The following FZR1 variants were observed in gnomAD, a reference collection of about 807,000 sequenced individuals.
FZR1 encodes the protein fizzy-related protein homolog.
In FZR1, 11 loss-of-function variants were observed where a neutral mutation model predicts 63.6. The ratio of observed to expected loss-of-function variants is 0.17; its 90% CI spans 0.11 to 0.29. The LOEUF is 0.29. Among genes scored for constraint, FZR1 ranks in the 10% least tolerant of loss-of-function variants. FZR1 has a pLI of 1.00. For synonymous variants in FZR1, 328 were observed against 297.9 expected (o/e 1.10, Z -1.04); for missense variants, 440 against 687.5 (o/e 0.64, Z 4.03).
intron 1 of FZR1, among the ~76,000 whole-genome samples, chr19:3,521,005 C>T (rs2083096499): frequency 6.6e-6 from 1 of 152,242 alleles, no homozygotes. Context: ...GTGCAACGTC[C>T]TCAGGGCGTG....
chr19:3,523,100 C>A (rs769170142), intron 2 of FZR1, 42 bp downstream of exon 2: 2 of 1,225,154 alleles, frequency 1.6e-6, no homozygotes, highest in Non-Finnish European at 1.2e-6. Context: ...CTCCCCCTCC[C>A]CCAGCTGCCT....
chr19:3,513,085 C>T (rs114843530), intron 1 of FZR1, among the ~76,000 whole-genome samples: 2,548 of 152,230 alleles, frequency 0.017, 67 homozygotes, highest in African/African-American at 0.058. Flanking sequence ...GGCACCTGGG[C>T]CAGGGCCTCA....
rs2083056165 is a variant in FZR1 at position 3,515,972 on chromosome 19, T to C, written c.-34-6984T>C. Among the ~76,000 whole-genome samples the C allele has an allele frequency of 6.6e-6, 1 of 152,200 alleles. No homozygotes were observed. The highest frequency in any genetic ancestry group is 2.1e-4 in the South Asian group (1 of 4,834). ...ACAGCCTCTTCCGCTCCCTGTCTGA[T>C]GGCCTCTTGCGTCTTCCACTCTGAC... On this transcript the variant is annotated intron_variant, in intron 1 of 13. Transcript: ENST00000441788. The surrounding 1 kb of genome is among the most constrained non-coding windows in gnomAD (Gnocchi z 4.6).
At chr19:3,519,290 C>G (rs555011561) in intron 1 of FZR1, among the ~76,000 whole-genome samples, 113 of 152,364 alleles carry the variant, frequency 7.4e-4, no homozygotes, top group African/African-American at 2.6e-3. Flanking sequence ...GGACCCTACG[C>G]CCCTGGCAGT....
chr19:3,533,510 A>C lies in FZR1; in HGVS notation c.1347+112A>C. The C allele has an allele frequency of 1.5e-6, 1 of 659,054 alleles. No individual in the cohort carries two copies. The highest frequency in any genetic ancestry group is 2.7e-6 in the Non-Finnish European group (1 of 367,000). The allele number at this position is 659,054 out of a possible 1,614,324, so 40.8% of individuals were successfully genotyped here. A position where few individuals can be genotyped will look rare whatever the true frequency, so the allele number is the denominator to read the frequency against. On this transcript the variant is annotated intron_variant, in intron 12 of 13. Coordinates refer to ENST00000441788, the MANE Select transcript of FZR1 (RefSeq NM_016263.4). This position sits in a 1 kb window ranked among gnomAD's most constrained non-coding sequence, Gnocchi z 4.9. Reference sequence around the variant, plus strand: ...AGGGAGGATGGTGTGCAGATCTAAAACCCCGTGGGACCCAGCAGCAGGGGC... The same window carrying C: ...AGGGAGGATGGTGTGCAGATCTAAACCCCCGTGGGACCCAGCAGCAGGGGC...
At chr19:3,523,123 G>A in intron 2 of FZR1, 65 bp downstream of exon 2, 1 of 991,654 alleles carries the variant, frequency 1.0e-6, no homozygotes, top group Non-Finnish European at 1.6e-6. Flanking sequence ...GCCCTGGCCA[G>A]CAGCCTCAGG....
In FZR1 at chr19:3,523,025, G is replaced by A. The variant is rs1245700163; in HGVS notation, c.36G>A (p.Gln12=). 2.5e-6 allele frequency: 4 copies of A among 1,611,716 alleles called. No individual in the cohort carries two copies. The highest frequency in any genetic ancestry group is 1.7e-4 in the Middle Eastern group (1 of 6,060). ...DQDYERRLLR[Q]IVIQNENTMP... ...ACTATGAGCGGCGCCTGCTTCGCCA[G>A]ATCGTCATCCAGAATGAGAACACGA... Residue 12 remains glutamine (Q), a synonymous_variant, in exon 2 of 14, where the codon CAG becomes CAA. Transcript: ENST00000441788.
At chr19:3,507,374 C>T (rs1471835216) in intron 1 of FZR1, among the ~76,000 whole-genome samples, 1 of 151,692 alleles carries the variant, frequency 6.6e-6, no homozygotes, top group East Asian at 1.9e-4. Context: ...AAACCTGTGA[C>T]ACCCCCTCCC....
At chr19:3,509,075 G>T (rs2083006403) in intron 1 of FZR1, among the ~76,000 whole-genome samples, 1 of 152,232 alleles carries the variant, frequency 6.6e-6, no homozygotes, top group Non-Finnish European at 1.5e-5. Context: ...GTGGTCACCA[G>T]TGACCTGCTC....
chr19:3,528,013 T>C (rs1407816928), intron 7 of FZR1, among the ~76,000 whole-genome samples, 199 bp downstream of exon 7: 3 of 146,152 alleles, frequency 2.1e-5, no homozygotes, highest in African/African-American at 5.1e-5. Context: ...GCCCTCCCAG[T>C]CAGGGCCTCC....
At chr19:3,511,870 G>A (rs1369174195) in intron 1 of FZR1, among the ~76,000 whole-genome samples, 2 of 152,196 alleles carry the variant, frequency 1.3e-5, no homozygotes, top group Non-Finnish European at 2.9e-5. Flanking sequence ...CTTTGCGTTT[G>A]TAGAGGTCAG....
intron 1 of FZR1, among the ~76,000 whole-genome samples, chr19:3,517,183 A>T (rs1402904353): frequency 6.6e-6 from 1 of 151,906 alleles, no homozygotes; most frequent in East Asian, 1.9e-4. Context: ...TGAGCCCAGA[A>T]GTTCGAGACC....
Position 3,533,581 on chromosome 19 carries a change from C to T in FZR1, c.1347+183C>T. 1 of 586,778 alleles carries T rather than the reference C, an allele frequency of 1.7e-6. No homozygotes were observed. The allele number at this position is 586,778 out of a possible 1,614,324, so 36.3% of individuals were successfully genotyped here. On this transcript the variant is annotated intron_variant, in intron 12 of 13. Transcript: ENST00000441788. This position sits in a 1 kb window ranked among gnomAD's most constrained non-coding sequence, Gnocchi z 4.9. Reference sequence around the variant, plus strand: ...GTTGTGTTGCCAGCGTTGGAATGGGCTCTACCGAACTCCCCAGCCCTGCAG... The same window carrying T: ...GTTGTGTTGCCAGCGTTGGAATGGGTTCTACCGAACTCCCCAGCCCTGCAG...
intron 13 of FZR1, 83 bp downstream of exon 13, chr19:3,534,596 A>G: frequency 1.0e-6 from 1 of 1,004,610 alleles, no homozygotes; most frequent in South Asian, 1.4e-5. Context: ...CCTCGGGCGT[A>G]CCCTCCTCTG....
Position 3,525,726 on chromosome 19 carries a change from G to A in FZR1, c.70-142G>A. ...CAAAGTGCTGGGATTACGGGCGTGA[G>A]CCACCGCGCCTGGCCCACCCCTTGG... On this transcript the variant is annotated intron_variant, in intron 2 of 13. Coordinates refer to ENST00000441788, the MANE Select transcript of FZR1 (RefSeq NM_016263.4). The surrounding 1 kb of genome is among the most constrained non-coding windows in gnomAD (Gnocchi z 4.2). The A allele has an allele frequency of 1.0e-6, 1 of 973,302 alleles. No individual in the cohort carries two copies. The highest frequency in any genetic ancestry group is 1.5e-6 in the Non-Finnish European group (1 of 658,058). 60.3% of individuals were successfully genotyped at this position (973,302 alleles called of 1,614,324 possible).
At chr19:3,509,379 C>A (rs931810370) in intron 1 of FZR1, among the ~76,000 whole-genome samples, 2 of 152,240 alleles carry the variant, frequency 1.3e-5, no homozygotes, top group African/African-American at 4.8e-5. Flanking sequence ...ACGGTGAACA[C>A]CCCCACTCTC....
rs778797856 is a variant in FZR1, at chr19:3,531,908, C to T, written c.824-3C>T. ...CTCACCCCCGCTTCCACCTGGCCTC[C>T]AGGGGCGCTGGCCTGGAATGCTGAG... is the stretch of plus-strand genomic sequence containing the variant. On this transcript the variant is annotated splice_polypyrimidine_tract_variant and splice_region_variant and intron_variant, in intron 9 of 13. Transcript: ENST00000441788. 1.9e-5 allele frequency: 30 copies of T among 1,592,088 alleles called. No homozygotes were observed. Among genetic ancestry groups the T allele is most frequent in the Non-Finnish European group, 2.5e-5 (29 of 1,171,956 alleles).
chr19:3,520,166 G>A (rs2083088870), intron 1 of FZR1, among the ~76,000 whole-genome samples: 1 of 152,244 alleles, frequency 6.6e-6, no homozygotes, highest in South Asian at 2.1e-4. Flanking sequence ...GCCAGTGCTG[G>A]CCCAGGAGTG....
At chr19:3,513,340 G>C in intron 1 of FZR1, among the ~76,000 whole-genome samples, 1 of 152,186 alleles carries the variant, frequency 6.6e-6, no homozygotes, top group East Asian at 1.9e-4. Context: ...ACTCCAGCAG[G>C]AGGCAGTGCC....
Sources: gnomAD v4.1 joint callset for allele counts (sites outside exome capture counted in the v4.1 genomes callset) on GRCh38, gnomAD v4.1.1 for gene constraint, Gnocchi (gnomAD v3.1) non-coding constraint, MANE v1.5 for transcripts, NCBI Gene and HGNC (gene_info 2026-07-23, HGNC 2026-07-21) for gene names.